The following TOP2B variants were observed in gnomAD, a reference collection of about 807,000 sequenced individuals.
TOP2B encodes the protein DNA topoisomerase II beta.
Under a neutral mutation model 193.5 loss-of-function variants are expected in TOP2B, and 51 were observed. The ratio of observed to expected loss-of-function variants is 0.26; its 90% confidence interval spans 0.21 to 0.33. TOP2B has a LOEUF of 0.33. TOP2B is among the 10% of genes least tolerant of loss of function. TOP2B has a pLI of 1.00. For missense variants in TOP2B, 1,378 were observed against 1,909.3 expected, an observed-to-expected ratio of 0.72 and a Z score of 5.19; for synonymous variants, 634 against 635.7, an observed-to-expected ratio of 1.00 and a Z score of 0.04.
chr3:25,624,642 A>T, intron 19 of TOP2B, 40 bp downstream of exon 19: 1 of 1,605,106 alleles, frequency 6.2e-7, no homozygotes, highest in Non-Finnish European at 8.5e-7. Flanking sequence ...CTTCAAGACA[A>T]TAATTACAGT....
intron 23 of TOP2B, among the ~76,000 whole-genome samples, chr3:25,619,473 TATAA>T (rs755924586): frequency 1.7e-4 from 26 of 152,152 alleles, no homozygotes; most frequent in Non-Finnish European, 3.4e-4. Flanking sequence ...TCCCCAGTTG[TATAA>T]ATAAAGATAA....
chr3:25,608,885 T>C (rs1257941773), intron 30 of TOP2B, among the ~76,000 whole-genome samples: 3 of 152,146 alleles, frequency 2.0e-5, no homozygotes, highest in African/African-American at 7.2e-5. Flanking sequence ...CTAATATTAA[T>C]AGATCTATCA....
chr3:25,622,623 T>C (rs368368977), intron 21 of TOP2B, among the ~76,000 whole-genome samples: 2 of 138,768 alleles, frequency 1.4e-5, no homozygotes, highest in African/African-American at 5.2e-5. Context: ...ACAACAAACA[T>C]AAAAAAAAAA....
At chr3:25,651,382 G>A (rs1244783632) in intron 1 of TOP2B, among the ~76,000 whole-genome samples, 1 of 149,740 alleles carries the variant, frequency 6.7e-6, no homozygotes, top group African/African-American at 2.5e-5. Context: ...GCAAGGTAAA[G>A]TCAAGGAAAA....
chr3:25,656,124 G>A (rs575562074), intron 1 of TOP2B, among the ~76,000 whole-genome samples: 1 of 152,124 alleles, frequency 6.6e-6, no homozygotes. Context: ...TGTAAAATAA[G>A]TGTGATGAAT....
At chr3:25,611,295 T>C (rs1035387583) in intron 28 of TOP2B, among the ~76,000 whole-genome samples, 1 of 152,156 alleles carries the variant, frequency 6.6e-6, no homozygotes, top group South Asian at 2.1e-4. Flanking sequence ...GGCAAGAGTA[T>C]CTGGGTAAAT....
intron 1 of TOP2B, among the ~76,000 whole-genome samples, chr3:25,647,582 T>C (rs532808957): frequency 6.6e-6 from 1 of 151,180 alleles, no homozygotes; most frequent in Non-Finnish European, 1.5e-5. Flanking sequence ...CTAATTTGTA[T>C]GAACTAAACT....
chr3:25,655,221 G>A (rs1418343258), intron 1 of TOP2B, among the ~76,000 whole-genome samples: 4 of 152,064 alleles, frequency 2.6e-5, no homozygotes, highest in Non-Finnish European at 5.9e-5. Context: ...CCATTCAAAT[G>A]GATAAAGGAT....
chr3:25,651,371 G>A (rs747099829), intron 1 of TOP2B, among the ~76,000 whole-genome samples: 1 of 151,078 alleles, frequency 6.6e-6, no homozygotes, highest in Non-Finnish European at 1.5e-5. Flanking sequence ...GTTATGTAAT[G>A]GCAAGGTAAA....
intron 1 of TOP2B, among the ~76,000 whole-genome samples, chr3:25,652,975 G>A (rs1325229720): frequency 6.6e-6 from 1 of 152,064 alleles, no homozygotes; most frequent in Non-Finnish European, 1.5e-5. Flanking sequence ...TATAATTGAT[G>A]TCACAGAAAT....
intron 23 of TOP2B, 101 bp from the exon 24 acceptor site, chr3:25,618,950 T>C (rs1702585029): frequency 2.3e-6 from 2 of 880,472 alleles, no homozygotes; most frequent in Non-Finnish European, 3.3e-6. Context: ...TATATAACCA[T>C]AATGCATGTG....
rs568959992 is a variant in TOP2B at position 25,599,005 on chromosome 3, A to T, written c.4710+430T>A. 2.3e-4 allele frequency among the ~76,000 whole-genome samples: 35 copies of T among 152,296 alleles called. 1 individual carries two copies. In the East Asian group the frequency reaches 6.2e-3, roughly 27 times the overall value. On this transcript the variant is annotated intron_variant, in intron 35 of 35. Coordinates refer to ENST00000264331, the MANE Select transcript of TOP2B (RefSeq NM_001330700.2). ...AGCTGATGTCATTCATTTACCTAAA[A>T]GAAATAGTGTACTTCTGGAAAAGGG...
intron 19 of TOP2B, 79 bp from the exon 20 acceptor site, chr3:25,624,524 C>A: frequency 6.4e-7 from 1 of 1,553,096 alleles, no homozygotes; most frequent in South Asian, 1.2e-5. Context: ...AATTAAAATC[C>A]AAGTGAAGAA....
In TOP2B at chr3:25,619,895, A is replaced by G; in HGVS notation, c.3030T>C (p.Phe1010=). The part of the protein sequence containing the change: ...QAEAAGLHKV[F]KLQTTLTCNS... The stretch of plus-strand genomic sequence containing the variant: ...TACAAGTAAGAGTAGTTTGAAGTTT[A>G]AAAACTTTATGCAGTCCAGCAGCTT... Residue 1010 remains phenylalanine, a synonymous_variant, in exon 23 of 36, where the codon TTT becomes TTC. Coordinates refer to ENST00000264331, the MANE Select transcript of TOP2B (RefSeq NM_001330700.2). 6.2e-7 allele frequency: 1 copy of G among 1,613,022 alleles called. No homozygotes were observed. Among genetic ancestry groups the G allele is most frequent in the Non-Finnish European group, 8.5e-7 (1 of 1,179,358 alleles).
intron 4 of TOP2B, among the ~76,000 whole-genome samples, chr3:25,641,358 G>T (rs1241857778): frequency 6.6e-6 from 1 of 152,042 alleles, no homozygotes; most frequent in African/African-American, 2.4e-5. Flanking sequence ...ATAAATGAAG[G>T]GAGATATGGT....
At chr3:25,612,856 G>GA (rs896460530) in intron 27 of TOP2B, 147 bp from the exon 28 acceptor site, 23 of 588,464 alleles carry the variant, frequency 3.9e-5, no homozygotes, top group African/African-American at 1.1e-4. Flanking sequence ...TTAAATAATG[G>GA]AAAAAAAATA....
chr3:25,623,892 T>C, intron 20 of TOP2B, 146 bp from the exon 21 acceptor site: 2 of 639,602 alleles, frequency 3.1e-6, no homozygotes, highest in Non-Finnish European at 5.4e-6. Flanking sequence ...CGCTTAATAA[T>C]AAAATTTGCC....
At chr3:25,660,619 A>C (rs929661012) in intron 1 of TOP2B, among the ~76,000 whole-genome samples, 1 of 152,236 alleles carries the variant, frequency 6.6e-6, no homozygotes, top group East Asian at 1.9e-4. Flanking sequence ...GGGGACAGTG[A>C]AGAGATAAAT....
At chr3:25,618,604 T>TC in intron 24 of TOP2B, 50 bp downstream of exon 24, 2 of 1,461,062 alleles carry the variant, frequency 1.4e-6, no homozygotes, top group Non-Finnish European at 1.8e-6. Flanking sequence ...ATTAATAAAG[T>TC]TTTTTTTCCA....
Sources: gnomAD v4.1 joint callset for allele counts (sites outside exome capture counted in the v4.1 genomes callset) on GRCh38, gnomAD v4.1.1 for gene constraint, MANE v1.5 for transcripts, NCBI Gene and HGNC (gene_info 2026-07-23, HGNC 2026-07-21) for gene names.